Variants in PTPRN2 observed in about 807,000 individuals in gnomAD.
PTPRN2 encodes the protein receptor-type tyrosine-protein phosphatase N2.
PTPRN2 carries 74 observed loss-of-function variants against 118.8 expected under a neutral mutation model. The observed-to-expected ratio is 0.62, with a 90% CI of 0.52 to 0.76. The LOEUF (loss-of-function observed/expected upper bound fraction) is 0.76. PTPRN2 is among the 30% of genes least tolerant of loss of function. The pLI, the probability that PTPRN2 is intolerant of heterozygous loss-of-function variation, is 0.00. For synonymous variants in PTPRN2, 641 were observed against 608.0 expected, an observed-to-expected ratio of 1.05 and a Z score of -0.80; for missense variants, 1,481 against 1,394.4, an observed-to-expected ratio of 1.06 and a Z score of -0.99.
At chr7:157,594,498 G>A (rs977622572) in intron 17 of PTPRN2, among the ~76,000 whole-genome samples, 2 of 152,250 alleles carry the variant, frequency 1.3e-5, no homozygotes, top group African/African-American at 4.8e-5. Flanking sequence ...TCTGCCGCAT[G>A]GGTGACGCGT....
At chr7:157,930,007 C>T (rs892728) in intron 11 of PTPRN2, among the ~76,000 whole-genome samples, 47,261 of 152,118 alleles carry the variant, frequency 0.31, 9,038 homozygotes, top group African/African-American at 0.52. Context: ...GGCCATCACC[C>T]GTCGCTCAGC....
chr7:158,311,204 G>A (rs768007528), intron 3 of PTPRN2, among the ~76,000 whole-genome samples: 6 of 152,206 alleles, frequency 3.9e-5, no homozygotes, highest in Admixed American at 6.5e-5. Context: ...GCCAGGACCC[G>A]TGCGGCCAGC....
chr7:158,340,826 C>T (rs1806601457), intron 2 of PTPRN2, among the ~76,000 whole-genome samples: 1 of 91,238 alleles, frequency 1.1e-5, no homozygotes, highest in African/African-American at 4.1e-5. Context: ...GTCACTCACA[C>T]CCACACTCTC....
chr7:158,111,765 TG>T (rs1816296932), intron 9 of PTPRN2, among the ~76,000 whole-genome samples: 1 of 151,704 alleles, frequency 6.6e-6, no homozygotes, highest in Admixed American at 6.6e-5. Flanking sequence ...ATTCTAGAGA[TG>T]CTGGTGAATA....
At chr7:158,150,137 C>T (rs1362324992) in intron 6 of PTPRN2, among the ~76,000 whole-genome samples, 2 of 152,158 alleles carry the variant, frequency 1.3e-5, no homozygotes, top group East Asian at 1.9e-4. Context: ...GCTTGGCCGG[C>T]AACAATGCTG....
intron 3 of PTPRN2, among the ~76,000 whole-genome samples, chr7:158,273,382 C>T (rs909734133): frequency 2.7e-5 from 4 of 145,564 alleles, no homozygotes; most frequent in African/African-American, 5.6e-5. Flanking sequence ...CCTGTCCCAG[C>T]GTCGTGGATG....
intron 3 of PTPRN2, among the ~76,000 whole-genome samples, chr7:158,268,572 C>T (rs139656135): frequency 0.037 from 4,615 of 124,478 alleles, 190 homozygotes; most frequent in African/African-American, 0.082. Flanking sequence ...CCCAGCCGCA[C>T]GCACACAGGG....
intron 10 of PTPRN2, among the ~76,000 whole-genome samples, chr7:158,095,477 G>A (rs1814557581): frequency 6.6e-6 from 1 of 152,030 alleles, no homozygotes; most frequent in South Asian, 2.1e-4. Flanking sequence ...CTCTGATGTA[G>A]ACATTATCGT....
Position 158,496,194 on chromosome 7 carries a change from GTCCCCCTTCCCTGCAGCC to G in PTPRN2, c.113-6427_113-6410del, listed in dbSNP as rs1214895073. On this transcript the variant is annotated intron_variant, in intron 1 of 22. Coordinates refer to ENST00000389418, the MANE Select transcript of PTPRN2 (RefSeq NM_002847.5). ...CCAGTCTGGGGACAACCCCTGCAGT[GTCCCCCTTCCCTGCAGCC>G]TCCCCCTTCCCTTCAGCCTTCCCTC... Among the ~76,000 whole-genome samples, 425 of 91,266 alleles carry G rather than the reference GTCCCCCTTCCCTGCAGCC, an allele frequency of 4.7e-3. 3 individuals are homozygous for G. The highest frequency in any genetic ancestry group is 0.012 in the African/African-American group (369 of 29,582). 59.9% of individuals were successfully genotyped at this position (91,266 alleles called of 152,430 possible). A position where few individuals can be genotyped will look rare whatever the true frequency, so the allele number is the denominator to read the frequency against.
chr7:158,286,270 T>C (rs1799761225), intron 3 of PTPRN2, among the ~76,000 whole-genome samples: 1 of 152,252 alleles, frequency 6.6e-6, no homozygotes, highest in African/African-American at 2.4e-5. Context: ...TTTAGGATTC[T>C]ATATGTAAGA....
intron 13 of PTPRN2, among the ~76,000 whole-genome samples, chr7:157,657,933 C>CCA (rs1166971793): frequency 4.3e-5 from 6 of 139,894 alleles, no homozygotes; most frequent in South Asian, 2.4e-4. Flanking sequence ...CGCAGACACA[C>CCA]CACACACACA....
intron 11 of PTPRN2, among the ~76,000 whole-genome samples, chr7:157,995,192 G>C (rs1333576762): frequency 6.9e-6 from 1 of 145,576 alleles, no homozygotes; most frequent in Non-Finnish European, 1.5e-5. Flanking sequence ...ACAACTCCTT[G>C]TTCTAAAATC....
chr7:157,642,272 G>A (rs984283858), intron 14 of PTPRN2, among the ~76,000 whole-genome samples: 2 of 152,242 alleles, frequency 1.3e-5, no homozygotes, highest in African/African-American at 2.4e-5. Flanking sequence ...CCCAGGAGCC[G>A]TGCTGAGGAC....
intron 12 of PTPRN2, among the ~76,000 whole-genome samples, chr7:157,875,616 T>C (rs891638649): frequency 3.3e-5 from 5 of 152,202 alleles, no homozygotes; most frequent in Non-Finnish European, 7.3e-5. Flanking sequence ...GCCCTGATTG[T>C]GGGGCCATGG....
At chr7:158,032,084 G>A (rs757831829) in intron 11 of PTPRN2, among the ~76,000 whole-genome samples, 42 of 152,200 alleles carry the variant, frequency 2.8e-4, no homozygotes, top group Non-Finnish European at 4.7e-4. Flanking sequence ...CTCAGGCCCC[G>A]GCATTCCAGC....
intron 3 of PTPRN2, among the ~76,000 whole-genome samples, chr7:158,260,317 T>C (rs573258525): frequency 6.6e-6 from 1 of 152,344 alleles, no homozygotes; most frequent in East Asian, 1.9e-4. Context: ...TATCAGTGCC[T>C]GCAAAAACAC....
chr7:157,712,526 G>A (rs1417471111), intron 12 of PTPRN2, among the ~76,000 whole-genome samples: 3 of 152,036 alleles, frequency 2.0e-5, no homozygotes, highest in African/African-American at 7.2e-5. Flanking sequence ...TGAGGCGGGC[G>A]GATCACCTGA....
intron 19 of PTPRN2, among the ~76,000 whole-genome samples, chr7:157,575,655 A>G (rs980602536): frequency 6.6e-6 from 1 of 152,232 alleles, no homozygotes; most frequent in African/African-American, 2.4e-5. Context: ...CTTCTTTATG[A>G]CAATCTTTGT....
chr7:158,188,725 C>T lies in PTPRN2; in HGVS notation c.549+3602G>A, dbSNP rs182559137. Among the ~76,000 whole-genome samples the T allele has an allele frequency of 5.4e-3, 807 of 148,818 alleles. 7 individuals are homozygous for T. The highest frequency in any genetic ancestry group is 0.021 in the Middle Eastern group (6 of 282). ...CGCCCGCCCCCTGTAGGGGGAAGGC[C>T]GCCACGCTCGCCGCCTTGTATGGGG... On this transcript the variant is annotated intron_variant, in intron 5 of 22. Transcript: ENST00000389418.
Sources: allele counts gnomAD v4.1 joint callset (sites outside exome capture counted in the v4.1 genomes callset), GRCh38; gene constraint gnomAD v4.1.1; transcripts MANE v1.5; gene names NCBI Gene and HGNC (gene_info 2026-07-23, HGNC 2026-07-21).